TENM2: variants seen among roughly 807,000 people sequenced by gnomAD.
The protein encoded by TENM2 is teneurin-2.
Under a neutral mutation model 245.2 loss-of-function variants are expected in TENM2, and 52 were observed. The observed-to-expected ratio is 0.21, with a 90% CI of 0.17 to 0.27. TENM2 has a LOEUF of 0.27. TENM2 is among the 10% of genes least tolerant of loss of function. TENM2 has a pLI of 1.00. For synonymous variants in TENM2, 1,363 were observed against 1,438.9 expected (o/e 0.95, Z 1.19); for missense variants, 3,046 against 3,666.8 (o/e 0.83, Z 4.37).
chr5:167,070,284 A>ATTTTTTTTT, the TENM2 span, among the ~76,000 whole-genome samples: 110 of 99,324 alleles, frequency 1.1e-3, 2 homozygotes, highest in South Asian at 0.021. Context: ...CGCCCGGCTA[A>ATTTTTTTTT]TTTTTTTTTT....
chr5:167,841,976 C>A (rs1474128574), intron 2 of TENM2, among the ~76,000 whole-genome samples: 1 of 152,008 alleles, frequency 6.6e-6, no homozygotes, highest in Non-Finnish European at 1.5e-5. Flanking sequence ...TATATACACA[C>A]ACATACATGC....
chr5:168,155,204 T>G (rs1233023906), intron 12 of TENM2, among the ~76,000 whole-genome samples: 1 of 152,194 alleles, frequency 6.6e-6, no homozygotes, highest in African/African-American at 2.4e-5. Flanking sequence ...AATGGCTACC[T>G]GAACCCCTGG....
chr5:167,599,571 T>TA (rs1380714741), intron 2 of TENM2, among the ~76,000 whole-genome samples: 1 of 152,134 alleles, frequency 6.6e-6, no homozygotes, highest in African/African-American at 2.4e-5. Context: ...CTTAGAAACC[T>TA]GTTTTCTTGT....
At chr5:167,572,639 T>C (rs10475852) in intron 2 of TENM2, among the ~76,000 whole-genome samples, 11,084 of 152,196 alleles carry the variant, frequency 0.073, 905 homozygotes, top group African/African-American at 0.21. Context: ...AAGAGGTCAC[T>C]TAGGGAATTT....
intron 2 of TENM2, among the ~76,000 whole-genome samples, chr5:167,628,369 A>G (rs994527001): frequency 6.6e-6 from 1 of 152,234 alleles, no homozygotes; most frequent in Non-Finnish European, 1.5e-5. Flanking sequence ...AGGCCACAGC[A>G]TAACGTTGAA....
chr5:167,487,461 G>A (rs1582181558), intron 2 of TENM2, among the ~76,000 whole-genome samples: 1 of 151,754 alleles, frequency 6.6e-6, no homozygotes, highest in Non-Finnish European at 1.5e-5. Flanking sequence ...TTATATATAT[G>A]TGTTTTTGTG....
At chr5:167,972,497 A>G (rs573459460) in intron 4 of TENM2, among the ~76,000 whole-genome samples, 2 of 152,294 alleles carry the variant, frequency 1.3e-5, no homozygotes, top group East Asian at 1.9e-4. Context: ...GAATTTTGCT[A>G]TTAAAAACAA....
intron 11 of TENM2, 126 bp downstream of exon 13, chr5:168,125,176 T>A: frequency 1.3e-6 from 1 of 797,842 alleles, no homozygotes; most frequent in East Asian, 2.7e-5. Context: ...ATGAATCACA[T>A]TGTGTCTTTC....
intron 5 of TENM2, among the ~76,000 whole-genome samples, chr5:168,038,890 C>T (rs1787936435): frequency 6.6e-6 from 1 of 152,116 alleles, no homozygotes; most frequent in African/African-American, 2.4e-5. Flanking sequence ...CCCCCAGTTT[C>T]AGGATGGCTG....
At chr5:167,542,215 G>T (rs1772257046) in intron 2 of TENM2, among the ~76,000 whole-genome samples, 2 of 152,294 alleles carry the variant, frequency 1.3e-5, no homozygotes, top group African/African-American at 4.8e-5. Context: ...AAGGAAGAAA[G>T]AAAGTGATTA....
intron 2 of TENM2, among the ~76,000 whole-genome samples, chr5:167,848,656 C>G (rs1561851052): frequency 6.6e-6 from 1 of 152,162 alleles, no homozygotes; most frequent in Non-Finnish European, 1.5e-5. Flanking sequence ...AGCTACTGCT[C>G]TAAGCACTTT....
the TENM2 span, among the ~76,000 whole-genome samples, chr5:166,982,534 T>TA: frequency 6.6e-6 from 1 of 152,100 alleles, no homozygotes; most frequent in African/African-American, 2.4e-5. Flanking sequence ...ACTTGAGAAC[T>TA]AAAACTTAAA....
chr5:167,537,429 A>G (rs928226935), intron 2 of TENM2, among the ~76,000 whole-genome samples: 8 of 152,234 alleles, frequency 5.3e-5, no homozygotes, highest in Non-Finnish European at 7.3e-5. Flanking sequence ...CTTTGTGAAT[A>G]TGTGCTTAGG....
chr5:167,555,331 G>A (rs2127629585), intron 2 of TENM2, among the ~76,000 whole-genome samples: 1 of 152,272 alleles, frequency 6.6e-6, no homozygotes, highest in African/African-American at 2.4e-5. Context: ...GCACCTTTGT[G>A]TTTAACATTT....
At chr5:167,353,654 C>G (rs988933160) in intron 1 of TENM2, among the ~76,000 whole-genome samples, 18 of 150,968 alleles carry the variant, frequency 1.2e-4, no homozygotes, top group South Asian at 1.0e-3. Flanking sequence ...ACAACAGGCG[C>G]CCGCCACTAC....
intron 1 of TENM2, among the ~76,000 whole-genome samples, chr5:167,366,104 GA>G (rs11347550): frequency 0.93 from 141,010 of 151,700 alleles, 65,595 homozygotes; most frequent in South Asian, 0.96. Flanking sequence ...TCTTTTGAAA[GA>G]AAAAAAATTT....
chr5:167,359,013 G>A (rs567041699), intron 1 of TENM2, among the ~76,000 whole-genome samples: 20 of 152,112 alleles, frequency 1.3e-4, no homozygotes, highest in Middle Eastern at 3.4e-3. Context: ...CTTTCCATCC[G>A]GACGGGCTGT....
the TENM2 span, among the ~76,000 whole-genome samples, chr5:167,161,167 A>G: frequency 3.3e-4 from 51 of 152,306 alleles, no homozygotes; most frequent in Non-Finnish European, 6.6e-4. Flanking sequence ...GCAAATGTGC[A>G]TTGTGACTCT....
intron 3 of TENM2, among the ~76,000 whole-genome samples, chr5:167,909,728 G>C (rs977891074): frequency 6.6e-6 from 1 of 152,178 alleles, no homozygotes; most frequent in Non-Finnish European, 1.5e-5. Context: ...CAAATGCCTA[G>C]ATGTTACCAT....
Sources: allele counts gnomAD v4.1 joint callset (sites outside exome capture counted in the v4.1 genomes callset), GRCh38; gene constraint gnomAD v4.1.1; transcripts MANE v1.5; gene names NCBI Gene and HGNC (gene_info 2026-07-23, HGNC 2026-07-21).